ADCY8: variants seen among roughly 807,000 people sequenced by gnomAD.
The protein encoded by ADCY8 is adenylate cyclase 8.
A neutral mutation model predicts 119.7 loss-of-function variants in ADCY8; 51 were observed. The ratio of observed to expected loss-of-function variants is 0.43; its 90% CI spans 0.34 to 0.54. The LOEUF (loss-of-function observed/expected upper bound fraction) is 0.54. Ranked by LOEUF, ADCY8 falls within the 20% of genes least tolerant of loss-of-function variation. ADCY8 has a pLI of 0.03. For synonymous variants in ADCY8, 665 were observed against 651.0 expected (o/e 1.02, Z -0.33); for missense variants, 1,383 against 1,598.8 (o/e 0.87, Z 2.30).
intron 6 of ADCY8, among the ~76,000 whole-genome samples, chr8:130,908,187 A>C (rs1474750523): frequency 2.0e-5 from 3 of 152,212 alleles, no homozygotes; most frequent in Non-Finnish European, 2.9e-5. Context: ...TCCAGATATC[A>C]AAGCAGTATC....
chr8:130,832,210 G>T (rs1168274567), intron 12 of ADCY8, among the ~76,000 whole-genome samples: 1 of 152,128 alleles, frequency 6.6e-6, no homozygotes, highest in Non-Finnish European at 1.5e-5. Flanking sequence ...AGGGGTAAGG[G>T]TGCCTCTCCT....
intron 8 of ADCY8, among the ~76,000 whole-genome samples, chr8:130,880,529 A>G (rs1818730266): frequency 6.6e-6 from 1 of 152,224 alleles, no homozygotes; most frequent in African/African-American, 2.4e-5. Flanking sequence ...AAGCCCACTT[A>G]GGAAATATCT....
intron 1 of ADCY8, among the ~76,000 whole-genome samples, chr8:131,016,996 T>C (rs1458617622): frequency 6.6e-6 from 1 of 151,970 alleles, no homozygotes; most frequent in Non-Finnish European, 1.5e-5. Flanking sequence ...GAGAAAGAAC[T>C]CGTGCTTTGA....
rs1823926023 is a variant in ADCY8, at chr8:131,029,368, C to A, written c.960+10006G>T. ...CTTGGATCCTCCCAAAATCATCCCC[C>A]ACCCATGTCTGTGGAAAAATTATCT... On this transcript the variant is annotated intron_variant, in intron 1 of 17. Transcript: ENST00000286355. Among the ~76,000 whole-genome samples, 4 of 152,292 alleles carry A rather than the reference C, an allele frequency of 2.6e-5. No individual in the cohort carries two copies. The South Asian group carries it at 8.3e-4, about 32-fold the overall frequency.
chr8:130,812,829 T>A (rs2130164762), intron 14 of ADCY8, among the ~76,000 whole-genome samples: 1 of 152,346 alleles, frequency 6.6e-6, no homozygotes, highest in South Asian at 2.1e-4. Flanking sequence ...TATTGATATA[T>A]AAATATACAC....
chr8:130,828,848 A>C (rs1042333514), intron 12 of ADCY8, among the ~76,000 whole-genome samples: 3 of 152,182 alleles, frequency 2.0e-5, no homozygotes, highest in Non-Finnish European at 4.4e-5. Flanking sequence ...GTTAACCAGA[A>C]CCATTCTTGG....
intron 1 of ADCY8, among the ~76,000 whole-genome samples, chr8:131,038,321 C>G (rs1199410394): frequency 6.6e-6 from 1 of 152,158 alleles, no homozygotes; most frequent in Non-Finnish European, 1.5e-5. Flanking sequence ...CAGGCCCATA[C>G]AAAGCAGCCC....
Position 130,780,753 on chromosome 8 carries a change from T to C in ADCY8, c.3393A>G (p.Gln1131=). The part of the protein sequence containing the change: ...MDSTGVSGRI[Q]VPEETYLILK... ...GGATGAGATAGGTCTCCTCTGGGAC[T>C]TGGATCCGGCCACTAACCCCCGTGC... Residue 1131 remains glutamine, a synonymous_variant, in exon 18 of 18, where the codon CAA becomes CAG. Coordinates refer to ENST00000286355, the MANE Select transcript of ADCY8 (RefSeq NM_001115.3). 6.2e-7 allele frequency: 1 copy of C among 1,614,236 alleles called. No homozygotes were observed. The highest frequency in any genetic ancestry group is 8.5e-7 in the Non-Finnish European group (1 of 1,180,032).
intron 3 of ADCY8, chr8:130,949,368 C>A (rs1051181302): frequency 2.0e-5 from 3 of 152,050 alleles, no homozygotes; most frequent in South Asian, 4.1e-4. Context: ...GTGACAGGTA[C>A]TTTCATCATA....
chr8:130,834,692 T>C (rs1169544434), intron 12 of ADCY8, among the ~76,000 whole-genome samples: 1 of 152,138 alleles, frequency 6.6e-6, no homozygotes, highest in African/African-American at 2.4e-5. Context: ...ACAACTAAAA[T>C]GAAATCCATA....
At chr8:131,035,432 T>C (rs1258849299) in intron 1 of ADCY8, among the ~76,000 whole-genome samples, 1 of 152,132 alleles carries the variant, frequency 6.6e-6, no homozygotes, top group African/African-American at 2.4e-5. Flanking sequence ...TTGTAGTGTG[T>C]TAATTGAGTA....
At chr8:130,958,712 A>T (rs1057163894) in intron 2 of ADCY8, among the ~76,000 whole-genome samples, 1 of 152,136 alleles carries the variant, frequency 6.6e-6, no homozygotes, top group African/African-American at 2.4e-5. Context: ...TGATTTAGTT[A>T]TTTCCACCTG....
chr8:130,862,499 G>A (rs1355320911), intron 9 of ADCY8, among the ~76,000 whole-genome samples: 2 of 151,944 alleles, frequency 1.3e-5, no homozygotes, highest in African/African-American at 2.4e-5. Flanking sequence ...TGCAAGCTCC[G>A]CCTCCCAGGT....
intron 2 of ADCY8, among the ~76,000 whole-genome samples, chr8:130,974,969 G>A (rs944748629): frequency 6.6e-6 from 1 of 152,156 alleles, no homozygotes; most frequent in African/African-American, 2.4e-5. Context: ...TACCTCTGGA[G>A]CTAACAGCAG....
At chr8:130,937,825 A>T (rs936339691) in intron 4 of ADCY8, among the ~76,000 whole-genome samples, 5 of 152,202 alleles carry the variant, frequency 3.3e-5, no homozygotes, top group African/African-American at 1.2e-4. Context: ...TAACCCAAAG[A>T]TGACTAATAA....
In ADCY8 at chr8:130,844,382, A is replaced by G. The variant is rs919093470; in HGVS notation, c.2502+3042T>C. Among the ~76,000 whole-genome samples the G allele has an allele frequency of 2.0e-5, 3 of 152,130 alleles. 1 individual carries two copies. Among genetic ancestry groups the G allele is most frequent in the Non-Finnish European group, 4.4e-5 (3 of 68,036 alleles). On this transcript the variant is annotated intron_variant, in intron 11 of 17. Coordinates refer to ENST00000286355, the MANE Select transcript of ADCY8 (RefSeq NM_001115.3). ...AGCATCTGACAAGCTTCGAATTTAGAACCAAGTTATACTTTATATCATACA... is the reference window on the plus strand; with the variant it reads ...AGCATCTGACAAGCTTCGAATTTAGGACCAAGTTATACTTTATATCATACA...
chr8:130,981,538 CCA>C (rs1822240031), intron 2 of ADCY8, among the ~76,000 whole-genome samples: 1 of 152,086 alleles, frequency 6.6e-6, no homozygotes, highest in Non-Finnish European at 1.5e-5. Flanking sequence ...TAAAAAGCCC[CCA>C]CAGAGTTCTT....
Position 130,836,433 on chromosome 8 carries a change from C to T in ADCY8, c.2519G>A (p.Gly840Glu), listed in dbSNP as rs375618216. 1.9e-6 allele frequency: 3 copies of T among 1,613,402 alleles called. No individual in the cohort carries two copies. The highest frequency in any genetic ancestry group is 2.5e-6 in the Non-Finnish European group (3 of 1,179,734). ...CSYPEYFVFT[G>E]VLAMVTCAVF... is the part of the protein sequence containing the mutation. ...TGCACAGGTCACCATGGCCAACACC[C>T]CCGTGAAGACAAAGTACTGGAAACA... The change falls in exon 12 of 18, where the codon GGG (glycine) becomes GAG (glutamate). Residue 840 changes from glycine (G) to glutamate (E), a missense_variant. By Grantham distance (98) the Gly-to-Glu change is moderately conservative. Transcript: ENST00000286355.
chr8:130,925,762 G>A (rs1274850018), intron 5 of ADCY8, among the ~76,000 whole-genome samples: 1 of 152,158 alleles, frequency 6.6e-6, no homozygotes. Context: ...ATTAAAATTT[G>A]TATGTCACAT....
Sources: allele counts gnomAD v4.1 joint callset (sites outside exome capture counted in the v4.1 genomes callset), GRCh38; gene constraint gnomAD v4.1.1; transcripts MANE v1.5; gene names NCBI Gene and HGNC (gene_info 2026-07-23, HGNC 2026-07-21).